MCTP2: variants seen among roughly 807,000 people sequenced by gnomAD.
MCTP2 encodes the protein multiple C2 and transmembrane domain-containing protein 2.
MCTP2 carries 132 observed loss-of-function variants against 111.6 expected under a neutral mutation model. That is an observed-to-expected ratio of 1.18 (90% CI 1.03 to 1.37). The LOEUF (loss-of-function observed/expected upper bound fraction) is 1.37. Ranked by LOEUF, MCTP2 falls within the 40% of genes most tolerant of loss-of-function variation. MCTP2 has a pLI of 0.00. For synonymous variants in MCTP2, 395 were observed against 387.7 expected (o/e 1.02, Z -0.22); for missense variants, 1,183 against 1,067.9 (o/e 1.11, Z -1.50).
At chr15:94,408,961 C>T (rs1411961858) in intron 17 of MCTP2, among the ~76,000 whole-genome samples, 1 of 152,196 alleles carries the variant, frequency 6.6e-6, no homozygotes, top group Non-Finnish European at 1.5e-5. Flanking sequence ...TTGGTGTGCA[C>T]TTGCAAGCAC....
At chr15:94,233,682 G>A (rs1460792419) in intron 1 of MCTP2, among the ~76,000 whole-genome samples, 2 of 152,138 alleles carry the variant, frequency 1.3e-5, no homozygotes, top group East Asian at 1.9e-4. Context: ...ATGATCTGGC[G>A]AGGAATCAAG....
chr15:94,253,858 TA>T lies in MCTP2; in HGVS notation c.-66+22205del, dbSNP rs942119396. Among the ~76,000 whole-genome samples the T allele has an allele frequency of 9.0e-4, 133 of 148,110 alleles. 1 individual carries two copies. The highest frequency in any genetic ancestry group is 7.6e-3 in the East Asian group (39 of 5,114). ...GACTGAAACAGTTTTCTCATCAGCT[TA>T]AAAAAAAAAATCTGGTGGTAGTATA... On this transcript the variant is annotated intron_variant, in intron 1 of 22. Transcript: ENST00000357742.
intron 14 of MCTP2, among the ~76,000 whole-genome samples, chr15:94,393,715 T>C (rs1208020109): frequency 6.6e-6 from 1 of 151,986 alleles, no homozygotes; most frequent in African/African-American, 2.4e-5. Flanking sequence ...TTTTCTTTAA[T>C]CAATAAGGAA....
chr15:94,399,178 G>T, intron 15 of MCTP2, 116 bp downstream of exon 15: 1 of 632,562 alleles, frequency 1.6e-6, no homozygotes. Flanking sequence ...CTACAGAGAG[G>T]AAAGAATAGT....
At chr15:94,266,671 C>T (rs2073555080) in intron 1 of MCTP2, among the ~76,000 whole-genome samples, 1 of 152,126 alleles carries the variant, frequency 6.6e-6, no homozygotes, top group Non-Finnish European at 1.5e-5. Context: ...CGAAGGGTAT[C>T]AGAGGCAAGG....
At chr15:94,350,569 C>CAAAAT (rs148660208) in intron 8 of MCTP2, among the ~76,000 whole-genome samples, 15,880 of 152,090 alleles carry the variant, frequency 0.1, 1,363 homozygotes, top group African/African-American at 0.24. Context: ...GACTCCGTCT[C>CAAAAT]AAAATAAAAT....
chr15:94,301,644 C>G (rs1284511673), intron 2 of MCTP2, among the ~76,000 whole-genome samples: 1 of 152,214 alleles, frequency 6.6e-6, no homozygotes, highest in Non-Finnish European at 1.5e-5. Flanking sequence ...CGTGTGCATT[C>G]AGGTTACTTG....
At chr15:94,297,695 T>G (rs2075337842) in intron 1 of MCTP2, among the ~76,000 whole-genome samples, 3 of 152,210 alleles carry the variant, frequency 2.0e-5, no homozygotes, top group Admixed American at 2.0e-4. Flanking sequence ...CTGTCTCCTT[T>G]GATGTCGCAC....
chr15:94,369,920 A>G (rs1426921930), intron 11 of MCTP2, among the ~76,000 whole-genome samples, 167 bp from the exon 12 acceptor site: 1 of 152,102 alleles, frequency 6.6e-6, no homozygotes, highest in Non-Finnish European at 1.5e-5. Flanking sequence ...TCTGGCTGCT[A>G]TAAGTGCCTA....
chr15:94,477,742 C>T (rs572079017), intron 22 of MCTP2, among the ~76,000 whole-genome samples: 6 of 152,256 alleles, frequency 3.9e-5, no homozygotes, highest in East Asian at 1.9e-4. Context: ...CCCTTCATTC[C>T]GAGTTCTAGA....
At chr15:94,307,281 G>T (rs934005943) in intron 2 of MCTP2, among the ~76,000 whole-genome samples, 1 of 152,156 alleles carries the variant, frequency 6.6e-6, no homozygotes, top group Non-Finnish European at 1.5e-5. Context: ...TGGGGGGGAG[G>T]TGTTATCATT....
intron 12 of MCTP2, among the ~76,000 whole-genome samples, chr15:94,374,612 T>G (rs1210727886): frequency 1.3e-5 from 2 of 152,190 alleles, no homozygotes; most frequent in Non-Finnish European, 1.5e-5. Flanking sequence ...ACTTAAGCTT[T>G]CTCTTTATTA....
chr15:94,232,400 A>G (rs2070244310), intron 1 of MCTP2, among the ~76,000 whole-genome samples: 1 of 152,182 alleles, frequency 6.6e-6, no homozygotes, highest in South Asian at 2.1e-4. Flanking sequence ...TGGAAGGTAC[A>G]AGGGTGCGAA....
chr15:94,399,312 T>C (rs1183901311), intron 15 of MCTP2, among the ~76,000 whole-genome samples: 2 of 152,208 alleles, frequency 1.3e-5, no homozygotes, highest in Non-Finnish European at 2.9e-5. Flanking sequence ...GAATACAGGC[T>C]TGAAGAGAAA....
chr15:94,468,465 A>C (rs1216719940), intron 20 of MCTP2, among the ~76,000 whole-genome samples: 2 of 151,998 alleles, frequency 1.3e-5, no homozygotes, highest in Non-Finnish European at 2.9e-5. Context: ...GCACGTTCCT[A>C]AATAATAGCC....
chr15:94,462,498 C>G (rs2085276662), intron 20 of MCTP2, among the ~76,000 whole-genome samples: 1 of 152,276 alleles, frequency 6.6e-6, no homozygotes, highest in African/African-American at 2.4e-5. Context: ...TTCGGATTTT[C>G]TATAGAAGAT....
intron 14 of MCTP2, among the ~76,000 whole-genome samples, chr15:94,390,119 T>TGC (rs2080862144): frequency 1.5e-5 from 2 of 132,250 alleles, no homozygotes; most frequent in Admixed American, 1.5e-4. Context: ...TATATGTATA[T>TGC]ATATATATAT....
chr15:94,257,282 A>T (rs2072837861), intron 1 of MCTP2, among the ~76,000 whole-genome samples: 1 of 152,118 alleles, frequency 6.6e-6, no homozygotes, highest in African/African-American at 2.4e-5. Flanking sequence ...TCATGGGAAC[A>T]CTAGCTTCCC....
At chr15:94,272,039 C>T (rs1161187690) in intron 1 of MCTP2, among the ~76,000 whole-genome samples, 1 of 152,106 alleles carries the variant, frequency 6.6e-6, no homozygotes, top group Non-Finnish European at 1.5e-5. Flanking sequence ...GACAAGGAAA[C>T]CTTTAAATGT....
Sources: gnomAD v4.1 joint callset for allele counts (sites outside exome capture counted in the v4.1 genomes callset) on GRCh38, gnomAD v4.1.1 for gene constraint, MANE v1.5 for transcripts, NCBI Gene and HGNC (gene_info 2026-07-23, HGNC 2026-07-21) for gene names.